Variants in SORBS3 observed in about 807,000 individuals in gnomAD.
SORBS3 encodes sorbin and SH3 domain containing 3.
Under a neutral mutation model 98.0 loss-of-function variants are expected in SORBS3, and 69 were observed. The ratio of observed to expected loss-of-function variants is 0.70; its 90% CI spans 0.58 to 0.86. SORBS3 has a LOEUF of 0.86. SORBS3 is among the 40% of genes least tolerant of loss of function. The pLI, the probability that SORBS3 is intolerant of heterozygous loss-of-function variation, is 0.00. For missense variants in SORBS3, 954 were observed against 908.5 expected, an observed-to-expected ratio of 1.05 and a Z score of -0.64; for synonymous variants, 394 against 355.4, an observed-to-expected ratio of 1.11 and a Z score of -1.22.
At chr8:22,546,532 C>G (rs1840017715) in intron 1 of SORBS3, among the ~76,000 whole-genome samples, 1 of 152,204 alleles carries the variant, frequency 6.6e-6, no homozygotes, top group Non-Finnish European at 1.5e-5. Flanking sequence ...AGAATCCACT[C>G]CCCAACCCTG....
intron 20 of SORBS3, among the ~76,000 whole-genome samples, chr8:22,574,176 C>G (rs1840665871): frequency 6.6e-6 from 1 of 152,130 alleles, no homozygotes; most frequent in African/African-American, 2.4e-5. Flanking sequence ...GGGGTTCCCC[C>G]CCCTCCTCCT....
chr8:22,572,778 G>A (rs1001199332), intron 20 of SORBS3, among the ~76,000 whole-genome samples: 14 of 152,336 alleles, frequency 9.2e-5, no homozygotes, highest in African/African-American at 3.4e-4. Flanking sequence ...CAGCCCTGGG[G>A]GAGAGCTCCT....
chr8:22,566,238 G>A lies in SORBS3; in HGVS notation c.951-107G>A, dbSNP rs551949631. The A allele has an allele frequency of 1.8e-5, 25 of 1,401,850 alleles. No individual in the cohort carries two copies. The South Asian group carries it at 3.5e-4, about 20-fold the overall frequency. 86.8% of individuals were successfully genotyped at this position (1,401,850 alleles called of 1,614,324 possible). On this transcript the variant is annotated intron_variant, in intron 12 of 20. Coordinates refer to ENST00000240123, the MANE Select transcript of SORBS3 (RefSeq NM_005775.5). ...GCCCAGGACCCGGGAGACGCCCTGG[G>A]AGGAGGTGGCAGGGATGGGGGCGAT...
rs565697675 is a variant in SORBS3, at chr8:22,561,115, C to T, written c.479-220C>T. 3.6e-5 allele frequency: 17 copies of T among 477,992 alleles called. No individual in the cohort carries two copies. In the East Asian group the frequency reaches 5.4e-4, roughly 15 times the overall value. 29.6% of individuals were successfully genotyped at this position (477,992 alleles called of 1,614,324 possible). On this transcript the variant is annotated intron_variant, in intron 5 of 20. Coordinates refer to ENST00000240123, the MANE Select transcript of SORBS3 (RefSeq NM_005775.5). ...AGGAGGGCTTGGGCAAGGCGGCTGC[C>T]CGCTTGGCTCGCTTAGGCCCCAAGC...
In SORBS3 at chr8:22,570,857, G is replaced by A. The variant is rs1339575426; in HGVS notation, c.1432-53G>A. The A allele has an allele frequency of 1.2e-5, 19 of 1,520,458 alleles. No homozygotes were observed. In the Admixed American group the frequency reaches 1.7e-4, roughly 13 times the overall value. The allele number at this position is 1,520,458 out of a possible 1,614,324, so 94.2% of individuals were successfully genotyped here. ...ATGAGACAGCCCAGATAAGGCACCC[G>A]TGGGTCCATGGCACCAGGAAGGCCC... On this transcript the variant is annotated intron_variant, in intron 17 of 20. Transcript: ENST00000240123.
In SORBS3 at chr8:22,566,497, C is replaced by G; in HGVS notation, c.1090+13C>G. The G allele has an allele frequency of 6.2e-7, 1 of 1,611,362 alleles. No individual in the cohort carries two copies. The highest frequency in any genetic ancestry group is 2.2e-5 in the East Asian group (1 of 44,828). ...TCCTCAACCCGAGGTAAGGACCCAG[C>G]CCTGCTCTCTTTCTCACGGAGATGC... On this transcript the variant is annotated intron_variant, in intron 13 of 20. Transcript: ENST00000240123.
rs1840352120 is a variant in SORBS3, at chr8:22,564,096, T to G, written c.675+19T>G. The G allele has an allele frequency of 1.2e-6, 2 of 1,609,692 alleles. No individual in the cohort carries two copies. Among genetic ancestry groups the G allele is most frequent in the Non-Finnish European group, 1.7e-6 (2 of 1,176,780 alleles). The stretch of plus-strand genomic sequence containing the variant: ...AAATCAGGTAGCCCACCCAGCATAG[T>G]CCCTGGTCAGCCCCAGCTGTATGCC... On this transcript the variant is annotated intron_variant, in intron 8 of 20. Transcript: ENST00000240123.
intron 7 of SORBS3, among the ~76,000 whole-genome samples, chr8:22,562,631 C>T (rs1840319394): frequency 6.6e-6 from 1 of 152,188 alleles, no homozygotes; most frequent in South Asian, 2.1e-4. Context: ...AAGATTTGGA[C>T]GCTGAGTTCT....
In SORBS3 at chr8:22,565,296, T is replaced by C; in HGVS notation, c.845T>C (p.Leu282Pro). ...EVLLERELAELSAELDKDLRA... is the reference protein window; with the variant it reads ...EVLLERELAEPSAELDKDLRA... ...CTGCTGGAGAGAGAGCTGGCCGAGC[T>C]GAGCGCCGAGCTGGACAAGGACCTG... The change falls in exon 11 of 21, where the codon CTG becomes CCG. Residue 282 changes from leucine to proline, a missense_variant. Leu to Pro is a moderately conservative substitution (Grantham distance 98, BLOSUM62 -3). Transcript: ENST00000240123. The C allele has an allele frequency of 6.4e-7, 1 of 1,557,620 alleles. No homozygotes were observed. The highest frequency in any genetic ancestry group is 8.7e-7 in the Non-Finnish European group (1 of 1,150,990).
chr8:22,568,363 A>G (rs1423131667), intron 16 of SORBS3, among the ~76,000 whole-genome samples: 1 of 152,132 alleles, frequency 6.6e-6, no homozygotes, highest in African/African-American at 2.4e-5. Flanking sequence ...GAAAGTTTAG[A>G]CTATTGATTT....
chr8:22,561,837 A>G lies in SORBS3; in HGVS notation c.518-28A>G, dbSNP rs116837994. 9.5e-4 allele frequency: 1,529 copies of G among 1,608,000 alleles called. 10 individuals are homozygous for G. The African/African-American group carries it at 0.014, about 14-fold the overall frequency. On this transcript the variant is annotated intron_variant, in intron 6 of 20. Transcript: ENST00000240123. ...CACGGCCTGTCTCCTCCCACCTTCA[A>G]TGCTTTCCTCGTGTACCTCCTCTGC... is the stretch of plus-strand genomic sequence containing the variant.
upstream of SORBS3, chr8:22,551,885 A>C (rs1307638812): frequency 2.0e-6 from 2 of 984,568 alleles, no homozygotes; most frequent in African/African-American, 1.8e-5. This position sits in a 1 kb window ranked among gnomAD's most constrained non-coding sequence, Gnocchi z 5.8. Flanking sequence ...GCCCGTCCTG[A>C]CCCGGTCACG....
chr8:22,573,403 C>A (rs187061919), intron 20 of SORBS3: 1 of 456,248 alleles, frequency 2.2e-6, no homozygotes, highest in East Asian at 6.9e-5. Flanking sequence ...GAGGAATGGG[C>A]GAGACCTGTG....
At position 22,566,730 on chromosome 8, in the gene SORBS3, G is replaced by A; in HGVS notation, c.1143+17G>A. 6.2e-7 allele frequency: 1 copy of A among 1,613,776 alleles called. No individual in the cohort carries two copies. The highest frequency in any genetic ancestry group is 8.5e-7 in the Non-Finnish European group (1 of 1,179,810). On this transcript the variant is annotated intron_variant, in intron 14 of 20. Coordinates refer to ENST00000240123, the MANE Select transcript of SORBS3 (RefSeq NM_005775.5). The stretch of plus-strand genomic sequence containing the variant: ...GAGAAGAAGGTAAGGAGGGGACCAG[G>A]TGTGGGGGACCTGGAGTGGTCCCAA...
chr8:22,564,443 C>T (rs1229751033), intron 9 of SORBS3, 25 bp from the exon 10 acceptor site: 2 of 1,613,980 alleles, frequency 1.2e-6, no homozygotes, highest in Non-Finnish European at 1.7e-6. Context: ...TTCACCTGCT[C>T]TGACACACCC....
intron 6 of SORBS3, 195 bp downstream of exon 6, chr8:22,561,568 G>C: frequency 3.1e-6 from 2 of 642,600 alleles, no homozygotes; most frequent in Admixed American, 2.6e-5. Context: ...CAGCTTGCAC[G>C]GGGAACGCGC....
rs373358765 is a variant in SORBS3 at position 22,572,328 on chromosome 8, C to T, written c.1848-12C>T. ...GGCCCATTCTCTGGTTGCCATGATA[C>T]GCTTCTCGCAGGTACCGGGCGATGT... On this transcript the variant is annotated splice_polypyrimidine_tract_variant and intron_variant, in intron 19 of 20. Transcript: ENST00000240123. 626 of 1,610,660 alleles carry T rather than the reference C, an allele frequency of 3.9e-4. No homozygotes were observed. The highest frequency in any genetic ancestry group is 5.1e-4 in the Non-Finnish European group (598 of 1,177,136).
chr8:22,574,969 T>G lies in SORBS3; in HGVS notation c.*241T>G. ...TTTCCTCCCCACCCCACTCCCCAAA[T>G]ACAGAGGTCTGCTTTGAAGCGGAGA... is the stretch of plus-strand genomic sequence containing the variant. On this transcript the variant is annotated 3_prime_UTR_variant, in exon 21 of 21. Transcript: ENST00000240123. 3.1e-6 allele frequency: 2 copies of G among 646,466 alleles called. No homozygotes were observed. The highest frequency in any genetic ancestry group is 5.7e-6 in the Non-Finnish European group (2 of 351,828). The allele number at this position is 646,466 out of a possible 1,614,324, so 40.0% of individuals were successfully genotyped here.
At chr8:22,565,793 C>A in intron 11 of SORBS3, 33 bp from the exon 12 acceptor site, 2 of 1,318,692 alleles carry the variant, frequency 1.5e-6, no homozygotes, top group South Asian at 3.9e-5. Flanking sequence ...GTCCCGGGGT[C>A]GCGGGCCCTG....
Sources: allele counts gnomAD v4.1 joint callset (sites outside exome capture counted in the v4.1 genomes callset), GRCh38; gene constraint gnomAD v4.1.1; non-coding constraint Gnocchi (gnomAD v3.1); transcripts MANE v1.5; gene names NCBI Gene and HGNC (gene_info 2026-07-23, HGNC 2026-07-21).